LYPLAL1: variants seen among roughly 807,000 people sequenced by gnomAD.
LYPLAL1 encodes lysophospholipase-like protein 1.
Under a neutral mutation model 19.7 loss-of-function variants are expected in LYPLAL1, and 23 were observed. That is an observed-to-expected ratio of 1.17 (90% CI 0.84 to 1.65). The LOEUF is 1.65. Among genes scored for constraint, LYPLAL1 ranks in the 40% most tolerant of loss-of-function variants. The pLI is 0.00. For missense variants in LYPLAL1, 355 were observed against 279.4 expected (o/e 1.27, Z -1.93); for synonymous variants, 119 against 96.3 (o/e 1.24, Z -1.38).
chr1:219,210,934 C>G (rs1658985307), intron 4 of LYPLAL1, among the ~76,000 whole-genome samples: 1 of 152,084 alleles, frequency 6.6e-6, no homozygotes, highest in Non-Finnish European at 1.5e-5. Context: ...AAATTTTATA[C>G]ATATTAAAAC....
chr1:219,275,100 C>T, the LYPLAL1 span, among the ~76,000 whole-genome samples: 2 of 152,184 alleles, frequency 1.3e-5, no homozygotes, highest in African/African-American at 4.8e-5. Context: ...TCTTCCCTGC[C>T]TACAGTTGGG....
chr1:219,210,501 A>T, intron 3 of LYPLAL1, 31 bp from the exon 4 acceptor site: 1 of 246,134 alleles, frequency 4.1e-6, no homozygotes, highest in Non-Finnish European at 7.0e-6. Context: ...TATTTTATGT[A>T]TTCTACTTTT....
chr1:219,248,384 G>C, the LYPLAL1 span, among the ~76,000 whole-genome samples: 4 of 152,070 alleles, frequency 2.6e-5, no homozygotes, highest in Admixed American at 2.0e-4. Flanking sequence ...ATAGAAATTA[G>C]CATAGAGCTT....
chr1:219,313,530 T>C, the LYPLAL1 span, among the ~76,000 whole-genome samples: 24 of 7,772 alleles, frequency 3.1e-3, no homozygotes, highest in East Asian at 0.33. Context: ...TTAAAAAAAC[T>C]TTTTTTTTTT....
the LYPLAL1 span, among the ~76,000 whole-genome samples, chr1:219,381,746 A>G: frequency 1.1e-4 from 16 of 152,356 alleles, no homozygotes; most frequent in South Asian, 3.3e-3. Flanking sequence ...TCATTCATTC[A>G]TTCATTCAAA....
chr1:219,307,276 T>C, the LYPLAL1 span, among the ~76,000 whole-genome samples: 1 of 152,106 alleles, frequency 6.6e-6, no homozygotes, highest in African/African-American at 2.4e-5. Context: ...CTTTTAGGTG[T>C]GGCTTATAAC....
At chr1:219,198,813 A>G (rs1277519404) in intron 3 of LYPLAL1, 5 of 152,156 alleles carry the variant, frequency 3.3e-5, no homozygotes, top group Admixed American at 3.3e-4. Flanking sequence ...TTCCTATGAT[A>G]TAGTTGGTTA....
the LYPLAL1 span, among the ~76,000 whole-genome samples, chr1:219,405,013 A>G: frequency 2.0e-5 from 3 of 152,204 alleles, no homozygotes. Context: ...AGTAACTTTC[A>G]CCTTTTATTA....
chr1:219,329,576 G>A, the LYPLAL1 span, among the ~76,000 whole-genome samples: 11 of 152,142 alleles, frequency 7.2e-5, no homozygotes, highest in Non-Finnish European at 1.3e-4. Flanking sequence ...CTAAATAGCC[G>A]TGTCTATTTT....
At chr1:219,232,703 C>G in the LYPLAL1 span, among the ~76,000 whole-genome samples, 1 of 151,964 alleles carries the variant, frequency 6.6e-6, no homozygotes, top group Non-Finnish European at 1.5e-5. Flanking sequence ...ACAAATAACC[C>G]AGTTAAACAA....
chr1:219,374,301 A>T, the LYPLAL1 span, among the ~76,000 whole-genome samples: 1 of 152,130 alleles, frequency 6.6e-6, no homozygotes, highest in Non-Finnish European at 1.5e-5. Flanking sequence ...ACAAACAAGC[A>T]TTATTAACCA....
At chr1:219,381,137 A>G in the LYPLAL1 span, among the ~76,000 whole-genome samples, 10 of 152,152 alleles carry the variant, frequency 6.6e-5, no homozygotes, top group Non-Finnish European at 1.2e-4. Context: ...GTGGGAGGTA[A>G]ATGAATCATG....
the LYPLAL1 span, chr1:219,222,104 T>C: frequency 6.6e-6 from 1 of 152,178 alleles, no homozygotes; most frequent in Non-Finnish European, 1.5e-5. Flanking sequence ...GTATGGCTTT[T>C]AATCCCTCTT....
chr1:219,383,881 A>G, the LYPLAL1 span, among the ~76,000 whole-genome samples: 2 of 152,212 alleles, frequency 1.3e-5, no homozygotes, highest in Non-Finnish European at 2.9e-5. Flanking sequence ...CGTTACTGAA[A>G]AGAGAAGTGA....
At chr1:219,267,201 T>C in the LYPLAL1 span, among the ~76,000 whole-genome samples, 3 of 152,124 alleles carry the variant, frequency 2.0e-5, no homozygotes, top group East Asian at 1.9e-4. Flanking sequence ...GTGTCAATCA[T>C]TGAAGCCAGA....
chr1:219,405,351 A>G, the LYPLAL1 span, among the ~76,000 whole-genome samples: 4 of 152,200 alleles, frequency 2.6e-5, no homozygotes, highest in South Asian at 2.1e-4. Flanking sequence ...ACAGGCAAAT[A>G]ATATCTGCAG....
At chr1:219,206,392 C>G (rs151105518) in intron 3 of LYPLAL1, among the ~76,000 whole-genome samples, 11 of 152,052 alleles carry the variant, frequency 7.2e-5, no homozygotes, top group African/African-American at 2.7e-4. Context: ...ATTTTTTAGA[C>G]TCTTAGGTGG....
At chr1:219,276,970 C>A in the LYPLAL1 span, among the ~76,000 whole-genome samples, 1 of 152,090 alleles carries the variant, frequency 6.6e-6, no homozygotes, top group East Asian at 1.9e-4. Context: ...TGAAATTACC[C>A]CAATGACTTC....
chr1:219,264,266 A>G, the LYPLAL1 span, among the ~76,000 whole-genome samples: 7 of 152,230 alleles, frequency 4.6e-5, no homozygotes, highest in Non-Finnish European at 8.8e-5. Flanking sequence ...TTAAATTTTC[A>G]GACCACCAAT....
Sources: gnomAD v4.1 joint callset for allele counts (sites outside exome capture counted in the v4.1 genomes callset) on GRCh38, gnomAD v4.1.1 for gene constraint, MANE v1.5 for transcripts, NCBI Gene and HGNC (gene_info 2026-07-23, HGNC 2026-07-21) for gene names.